Variants in SLC25A13 observed in about 807,000 individuals in gnomAD.
SLC25A13 encodes solute carrier family 25 member 13, also known as electrogenic aspartate/glutamate antiporter SLC25A13, mitochondrial.
SLC25A13 carries 70 observed loss-of-function variants against 85.5 expected under a neutral mutation model. The observed-to-expected ratio is 0.82, with a 90% CI of 0.68 to 1.00. SLC25A13 has a LOEUF of 1.00. Among genes scored for constraint, SLC25A13 ranks in the 50% least tolerant of loss-of-function variants. The pLI, the probability that SLC25A13 is intolerant of heterozygous loss-of-function variation, is 0.00. For synonymous variants in SLC25A13, 259 were observed against 288.7 expected, an observed-to-expected ratio of 0.90 and a Z score of 1.04; for missense variants, 765 against 819.8, an observed-to-expected ratio of 0.93 and a Z score of 0.82.
chr7:96,295,860 T>C (rs1202316151), intron 2 of SLC25A13, among the ~76,000 whole-genome samples: 1 of 150,836 alleles, frequency 6.6e-6, no homozygotes, highest in African/African-American at 2.4e-5. Context: ...ATATATGTTA[T>C]TAATAATATA....
intron 7 of SLC25A13, 57 bp downstream of exon 7, chr7:96,191,052 C>G (rs1794826954): frequency 3.1e-6 from 5 of 1,604,592 alleles, no homozygotes; most frequent in East Asian, 4.5e-5. Context: ...CTTCTTCACC[C>G]TAATAATAAT....
chr7:96,263,980 A>C (rs1170758969), intron 3 of SLC25A13, among the ~76,000 whole-genome samples: 1 of 152,178 alleles, frequency 6.6e-6, no homozygotes, highest in Non-Finnish European at 1.5e-5. Context: ...CAATTCATTA[A>C]GCATGTCACC....
intron 1 of SLC25A13, among the ~76,000 whole-genome samples, chr7:96,306,512 T>C (rs1290157552): frequency 6.6e-6 from 1 of 152,190 alleles, no homozygotes; most frequent in Non-Finnish European, 1.5e-5. Flanking sequence ...TGCTTGCCTT[T>C]TGAGCCTCAG....
At chr7:96,247,780 C>A (rs1441508919) in intron 3 of SLC25A13, among the ~76,000 whole-genome samples, 1 of 152,016 alleles carries the variant, frequency 6.6e-6, no homozygotes, top group East Asian at 1.9e-4. Flanking sequence ...TATACATATA[C>A]ATTGAAAAAT....
intron 15 of SLC25A13, among the ~76,000 whole-genome samples, chr7:96,127,735 T>C (rs1791787736): frequency 1.3e-5 from 2 of 152,218 alleles, no homozygotes; most frequent in South Asian, 2.1e-4. Context: ...AAAATAGCCA[T>C]GAGACATTTT....
At chr7:96,202,930 T>G (rs1460449899) in intron 5 of SLC25A13, among the ~76,000 whole-genome samples, 1 of 152,128 alleles carries the variant, frequency 6.6e-6, no homozygotes, top group Admixed American at 6.6e-5. Context: ...ATCATGAAGC[T>G]TTGTCTGGCC....
intron 4 of SLC25A13, among the ~76,000 whole-genome samples, chr7:96,219,083 G>A: frequency 6.6e-6 from 1 of 152,138 alleles, no homozygotes; most frequent in Non-Finnish European, 1.5e-5. Flanking sequence ...TTTGACAAGT[G>A]CCTTTTTACA....
In SLC25A13 at chr7:96,202,713, T is replaced by C. The variant is rs115085511; in HGVS notation, c.468+6125A>G. Among the ~76,000 whole-genome samples the C allele has an allele frequency of 6.6e-3, 1,003 of 152,246 alleles. 10 individuals carry two copies. Among genetic ancestry groups the C allele is most frequent in the African/African-American group, 0.023 (939 of 41,540 alleles). On this transcript the variant is annotated intron_variant, in intron 5 of 17. Transcript: ENST00000265631. ...AGTAAATCATCTCAACACCAAAGAA[T>C]TGAAAAGAGGCAGCAGAGCCAATAC... is the stretch of plus-strand genomic sequence containing the variant.
At chr7:96,223,607 G>A (rs1250561973) in intron 4 of SLC25A13, among the ~76,000 whole-genome samples, 2 of 152,072 alleles carry the variant, frequency 1.3e-5, no homozygotes, top group East Asian at 3.9e-4. Flanking sequence ...GGGCAACAAC[G>A]GTGAAACCCC....
intron 14 of SLC25A13, among the ~76,000 whole-genome samples, chr7:96,139,682 T>C (rs1330150029): frequency 1.3e-5 from 2 of 152,234 alleles, no homozygotes; most frequent in African/African-American, 4.8e-5. Flanking sequence ...ATCAAGAATA[T>C]GTACACTTAG....
intron 5 of SLC25A13, among the ~76,000 whole-genome samples, chr7:96,205,755 C>T (rs567003256): frequency 6.6e-6 from 1 of 152,234 alleles, no homozygotes; most frequent in African/African-American, 2.4e-5. Flanking sequence ...ACTTTTACAA[C>T]CAAAGCACAG....
At chr7:96,238,993 T>C (rs1346880422) in intron 3 of SLC25A13, among the ~76,000 whole-genome samples, 2 of 146,642 alleles carry the variant, frequency 1.4e-5, no homozygotes, top group Admixed American at 6.9e-5. Context: ...TTATAATATA[T>C]AAAGACATAT....
chr7:96,201,764 G>C (rs1795265689), intron 5 of SLC25A13, among the ~76,000 whole-genome samples: 1 of 152,132 alleles, frequency 6.6e-6, no homozygotes, highest in Non-Finnish European at 1.5e-5. Context: ...ATGGATGAAG[G>C]TATGTTTTGT....
At chr7:96,304,073 T>A (rs138474588) in intron 1 of SLC25A13, among the ~76,000 whole-genome samples, 141 of 152,202 alleles carry the variant, frequency 9.3e-4, no homozygotes, top group African/African-American at 3.3e-3. Context: ...AAAAGGTATC[T>A]CAAACTTAAG....
chr7:96,263,775 C>T (rs1262467667), intron 3 of SLC25A13, among the ~76,000 whole-genome samples: 5 of 152,154 alleles, frequency 3.3e-5, no homozygotes, highest in South Asian at 2.1e-4. Flanking sequence ...TCATCTCCTC[C>T]GATGGCCTTT....
rs58990918 is a variant in SLC25A13 at position 96,239,037 on chromosome 7, T to TTATATA, written c.213-4126_213-4121dup. Among the ~76,000 whole-genome samples the TTATATA allele has an allele frequency of 2.7e-3, 357 of 130,796 alleles. 2 individuals carry two copies. Among genetic ancestry groups the TTATATA allele is most frequent in the African/African-American group, 8.0e-3 (270 of 33,578 alleles). The allele number at this position is 130,796 out of a possible 152,430, so 85.8% of individuals were successfully genotyped here. On this transcript the variant is annotated intron_variant, in intron 3 of 17. Coordinates refer to ENST00000265631, the MANE Select transcript of SLC25A13 (RefSeq NM_014251.3). ...TATATTATATATATGACTATATATT[T>TTATATA]TATATATATATATATATATATATAT...
intron 10 of SLC25A13, 146 bp from the exon 11 acceptor site, chr7:96,184,581 T>C (rs1281495167): frequency 4.0e-6 from 3 of 746,934 alleles, no homozygotes; most frequent in African/African-American, 3.5e-5. Context: ...ACCTTTCTTA[T>C]ATCTTTAATA....
intron 14 of SLC25A13, among the ~76,000 whole-genome samples, chr7:96,142,683 A>G (rs1388701760): frequency 6.6e-6 from 1 of 152,190 alleles, no homozygotes. Flanking sequence ...AAGAGAATGG[A>G]GCAGTAAAGG....
Position 96,121,144 on chromosome 7 carries a change from T to C in SLC25A13, c.*47A>G, listed in dbSNP as rs201342924. The C allele has an allele frequency of 1.6e-4, 257 of 1,592,796 alleles. 2 individuals carry two copies. The African/African-American group carries it at 3.0e-3, about 19-fold the overall frequency. On this transcript the variant is annotated 3_prime_UTR_variant, in exon 18 of 18. Coordinates refer to ENST00000265631, the MANE Select transcript of SLC25A13 (RefSeq NM_014251.3). ...CTTCATTCCCAGGAGGGATGTTCTT[T>C]ACTGCAGTACCCACAAAAAGACAGC...
Sources: gnomAD v4.1 joint callset for allele counts (sites outside exome capture counted in the v4.1 genomes callset) on GRCh38, gnomAD v4.1.1 for gene constraint, MANE v1.5 for transcripts, NCBI Gene and HGNC (gene_info 2026-07-23, HGNC 2026-07-21) for gene names.